Variants in RASA1 observed in about 807,000 individuals in gnomAD.
RASA1 encodes RAS p21 protein activator 1.
RASA1 carries 25 observed loss-of-function variants against 132.2 expected under a neutral mutation model. The observed-to-expected ratio is 0.19, with a 90% CI of 0.14 to 0.26. RASA1 has a LOEUF of 0.26. RASA1 is among the 10% of genes least tolerant of loss of function. The pLI is 1.00. For synonymous variants in RASA1, 477 were observed against 449.9 expected (o/e 1.06, Z -0.76); for missense variants, 964 against 1,299.2 (o/e 0.74, Z 3.97).
rs532981702 is a variant in RASA1, at chr5:87,313,949, C to T, written c.540-17399C>T. Among the ~76,000 whole-genome samples, 41 of 151,936 alleles carry T rather than the reference C, an allele frequency of 2.7e-4. No homozygotes were observed. In the South Asian group the frequency reaches 7.7e-3, roughly 28 times the overall value. ...TTGGGAGGCTGAGGTGGGCGGATCA[C>T]CTGAGGTCAGGAGTTTGAGACTACC... On this transcript the variant is annotated intron_variant, in intron 1 of 24. Coordinates refer to ENST00000274376, the MANE Select transcript of RASA1 (RefSeq NM_002890.3).
chr5:87,361,863 T>C (rs1760123363), intron 9 of RASA1, among the ~76,000 whole-genome samples: 1 of 152,108 alleles, frequency 6.6e-6, no homozygotes, highest in Non-Finnish European at 1.5e-5. Flanking sequence ...TTAAGAAATA[T>C]GTACATCCTA....
intron 1 of RASA1, among the ~76,000 whole-genome samples, chr5:87,292,534 T>C (rs1259713507): frequency 6.6e-6 from 1 of 152,178 alleles, no homozygotes. Flanking sequence ...TATTTGTCCT[T>C]TTCTGAAATA....
chr5:87,274,743 T>C (rs1753992745), intron 1 of RASA1, among the ~76,000 whole-genome samples: 1 of 151,728 alleles, frequency 6.6e-6, no homozygotes, highest in African/African-American at 2.4e-5. Flanking sequence ...ATCAGTAAAT[T>C]CTTTGAGGAA....
intron 1 of RASA1, among the ~76,000 whole-genome samples, chr5:87,272,839 T>C (rs1017566833): frequency 6.6e-6 from 1 of 152,216 alleles, no homozygotes; most frequent in African/African-American, 2.4e-5. Context: ...AAGTGTTCTC[T>C]ATAAATTCCT....
intron 1 of RASA1, among the ~76,000 whole-genome samples, chr5:87,286,121 C>T (rs529248781): frequency 2.7e-4 from 41 of 152,240 alleles, no homozygotes; most frequent in African/African-American, 9.9e-4. Flanking sequence ...CATGCCTCAG[C>T]CTCCCGAGTA....
At chr5:87,281,724 G>A (rs1754327543) in intron 1 of RASA1, among the ~76,000 whole-genome samples, 1 of 151,974 alleles carries the variant, frequency 6.6e-6, no homozygotes, top group Non-Finnish European at 1.5e-5. Context: ...GGGATTACAG[G>A]CGCATGCCAC....
chr5:87,311,529 T>C (rs1463290306), intron 1 of RASA1, among the ~76,000 whole-genome samples: 1 of 152,128 alleles, frequency 6.6e-6, no homozygotes, highest in African/African-American at 2.4e-5. Flanking sequence ...AAATCAGCAA[T>C]TGAAAAAGGT....
chr5:87,287,578 CAT>C, intron 1 of RASA1, among the ~76,000 whole-genome samples: 1 of 146,570 alleles, frequency 6.8e-6, no homozygotes, highest in Middle Eastern at 3.8e-3. Flanking sequence ...ATATACACAC[CAT>C]ATATATACAC....
At chr5:87,293,769 A>AT (rs912201926) in intron 1 of RASA1, among the ~76,000 whole-genome samples, 3 of 151,356 alleles carry the variant, frequency 2.0e-5, no homozygotes, top group African/African-American at 7.3e-5. Context: ...TCTATTCAAG[A>AT]TTTTTTTTTC....
At chr5:87,318,814 C>T (rs565301645) in intron 1 of RASA1, 1 of 152,332 alleles carries the variant, frequency 6.6e-6, no homozygotes, top group Non-Finnish European at 1.5e-5. Context: ...CCCAACAGTC[C>T]CCCAAAGTCT....
chr5:87,320,337 C>T (rs1756694626), intron 1 of RASA1, among the ~76,000 whole-genome samples: 1 of 152,204 alleles, frequency 6.6e-6, no homozygotes, highest in Non-Finnish European at 1.5e-5. Context: ...AGCAGTGCCA[C>T]ACTTCTCTGG....
Position 87,386,863 on chromosome 5 carries a change from G to T in RASA1, c.2885G>T (p.Ser962Ile). ...YMEGVNPFIK[S>I]NKHRMIMFLD... ...GAAGGTGTCAATCCATTCATCAAAAGCAACAAACATCGTATGATCATGTTT... is the reference window on the plus strand; with the variant it reads ...GAAGGTGTCAATCCATTCATCAAAATCAACAAACATCGTATGATCATGTTT... Residue 962 changes from serine to isoleucine, a missense_variant, in exon 23 of 25, where the codon AGC (serine) becomes ATC (isoleucine). Ser to Ile is a moderately radical substitution (Grantham distance 142). Coordinates refer to ENST00000274376, the MANE Select transcript of RASA1 (RefSeq NM_002890.3). 3.1e-6 allele frequency: 5 copies of T among 1,612,848 alleles called. No individual in the cohort carries two copies. Among genetic ancestry groups the T allele is most frequent in the Non-Finnish European group, 3.4e-6 (4 of 1,179,344 alleles).
chr5:87,318,736 C>T (rs954598331), intron 1 of RASA1: 1 of 152,132 alleles, frequency 6.6e-6, no homozygotes, highest in Non-Finnish European at 1.5e-5. Flanking sequence ...AGAGCCAAAC[C>T]ATATCATTCT....
rs1760308258 is a variant in RASA1 at position 87,363,902 on chromosome 5, AT to A, written c.1610+399del. 2.0e-5 allele frequency among the ~76,000 whole-genome samples: 3 copies of A among 152,144 alleles called. No homozygotes were observed. The South Asian group carries it at 6.2e-4, about 31-fold the overall frequency. Reference sequence around the variant, plus strand: ...TTCTTAAGAAAGTTAATGTTAAAAAATAATCTTAAAATTGTCTTGATAGGAA... The same window carrying A: ...TTCTTAAGAAAGTTAATGTTAAAAAAAATCTTAAAATTGTCTTGATAGGAA... On this transcript the variant is annotated intron_variant, in intron 11 of 24. Transcript: ENST00000274376.
intron 23 of RASA1, 126 bp downstream of exon 23, chr5:87,387,029 T>G (rs1249300293): frequency 2.3e-6 from 2 of 855,290 alleles, no homozygotes; most frequent in East Asian, 2.6e-5. Flanking sequence ...AGCCTGCAAA[T>G]TTTTGTCTGC....
At position 87,349,263 on chromosome 5, in the gene RASA1, C is replaced by T. The variant is rs144668841; in HGVS notation, c.1152C>T (p.Gly384=). ...FLVRPSDNTP[G]DYSLYFRTNE... ...TGAGGCCCTCAGATAATACTCCTGG[C>T]GATTATTCACTTTATTTCCGGACCA... Residue 384 remains glycine, a synonymous_variant, in exon 8 of 25, where the codon GGC becomes GGT. Transcript: ENST00000274376. 1.7e-5 allele frequency: 27 copies of T among 1,611,922 alleles called. No individual in the cohort carries two copies. The highest frequency in any genetic ancestry group is 1.7e-4 in the Middle Eastern group (1 of 6,050).
chr5:87,376,859 A>G (rs765034517), intron 16 of RASA1, 22 bp from the exon 17 acceptor site: 61 of 1,572,408 alleles, frequency 3.9e-5, no homozygotes, highest in Non-Finnish European at 5.0e-5. Flanking sequence ...ACTTTAAACA[A>G]TCTTTTAAAA....
At chr5:87,318,410 C>A in intron 1 of RASA1, 1 of 152,244 alleles carries the variant, frequency 6.6e-6, no homozygotes, top group Non-Finnish European at 1.5e-5. Context: ...CTACCTGAGA[C>A]TGGGTAGTTT....
chr5:87,274,690 A>G (rs1364367351), intron 1 of RASA1, among the ~76,000 whole-genome samples: 1 of 152,164 alleles, frequency 6.6e-6, no homozygotes, highest in East Asian at 1.9e-4. Flanking sequence ...AGTATGAGCA[A>G]AGGTCATGAG....
Sources: allele counts gnomAD v4.1 joint callset (sites outside exome capture counted in the v4.1 genomes callset), GRCh38; gene constraint gnomAD v4.1.1; transcripts MANE v1.5; gene names NCBI Gene and HGNC (gene_info 2026-07-23, HGNC 2026-07-21).